The following MIA2 variants were observed in gnomAD, a reference collection of about 807,000 sequenced individuals.
MIA2 encodes MIA SH3 domain ER export factor 2.
In MIA2, 127 loss-of-function variants were observed where a neutral mutation model predicts 167.8. The ratio of observed to expected loss-of-function variants is 0.76; its 90% CI spans 0.66 to 0.88. MIA2 has a LOEUF of 0.88. Among genes scored for constraint, MIA2 ranks in the 40% least tolerant of loss-of-function variants. MIA2 has a pLI of 0.00. For missense variants in MIA2, 1,690 were observed against 1,624.7 expected (o/e 1.04, Z -0.69); for synonymous variants, 552 against 541.9 (o/e 1.02, Z -0.26).
intron 25 of MIA2, among the ~76,000 whole-genome samples, chr14:39,343,177 CT>C (rs2072402340): frequency 6.6e-6 from 1 of 152,076 alleles, no homozygotes; most frequent in Admixed American, 6.6e-5. Flanking sequence ...CAGGATCTTG[CT>C]TTGTCGCTCA....
At chr14:39,238,811 A>AAAAAAAAAAACAAAAAAC in intron 2 of MIA2, among the ~76,000 whole-genome samples, 3 of 103,634 alleles carry the variant, frequency 2.9e-5, no homozygotes, top group East Asian at 2.8e-4. Flanking sequence ...AAAAAAAAAA[A>AAAAAAAAAAACAAAAAAC]CCCAAAAAAC....
chr14:39,318,507 T>C (rs2152959541), intron 22 of MIA2, among the ~76,000 whole-genome samples: 1 of 152,298 alleles, frequency 6.6e-6, no homozygotes, highest in East Asian at 1.9e-4. Context: ...GTGAAGATGA[T>C]AACAGTCTTC....
chr14:39,277,489 G>A (rs2058173108), intron 7 of MIA2, among the ~76,000 whole-genome samples: 2 of 151,220 alleles, frequency 1.3e-5, no homozygotes, highest in South Asian at 4.2e-4. Flanking sequence ...TTGTGACACT[G>A]TACTCCAGCC....
intron 6 of MIA2, chr14:39,265,412 A>C: frequency 6.2e-7 from 1 of 1,611,234 alleles, no homozygotes; most frequent in Non-Finnish European, 8.5e-7. Flanking sequence ...TGAAAAGTCC[A>C]GAGGAAGAGG....
chr14:39,244,783 CT>C lies in MIA2; in HGVS notation c.337-2114del, dbSNP rs541605006. Among the ~76,000 whole-genome samples the C allele has an allele frequency of 5.7e-3, 828 of 144,670 alleles. 3 individuals carry two copies. Among genetic ancestry groups the C allele is most frequent in the African/African-American group, 0.013 (511 of 39,706 alleles). The allele number at this position is 144,670 out of a possible 152,430, so 94.9% of individuals were successfully genotyped here. ...ATAAAGTCAAATTGTTTTAGTGCAACTTTTTTTTTTTTTTAAACAGGTCTCA... is the reference window on the plus strand; with the variant it reads ...ATAAAGTCAAATTGTTTTAGTGCAACTTTTTTTTTTTTTAAACAGGTCTCA... On this transcript the variant is annotated intron_variant, in intron 3 of 28. Transcript: ENST00000640607.
intron 27 of MIA2, 67 bp downstream of exon 27, chr14:39,347,838 T>TTTTTTTTTTTTC (rs1555415318): frequency 1.5e-6 from 2 of 1,347,230 alleles, no homozygotes; most frequent in African/African-American, 1.6e-5. Flanking sequence ...TTTTTTTTTT[T>TTTTTTTTTTTTC]TTTATGGAGT....
chr14:39,306,499 G>A (rs1294907729), intron 17 of MIA2, among the ~76,000 whole-genome samples: 2 of 152,106 alleles, frequency 1.3e-5, no homozygotes, highest in South Asian at 2.1e-4. Flanking sequence ...GGGAGACAGC[G>A]CTAGGAGGAT....
downstream of MIA2, among the ~76,000 whole-genome samples, chr14:39,351,866 C>A (rs1264058904): frequency 2.6e-5 from 4 of 152,134 alleles, no homozygotes; most frequent in Admixed American, 6.6e-5. Context: ...CTCGTTCTGC[C>A]AGAGTGCTGG....
chr14:39,314,847 TAA>T (rs751060884), intron 20 of MIA2, 48 bp downstream of exon 20: 22 of 1,200,782 alleles, frequency 1.8e-5, no homozygotes, highest in Non-Finnish European at 2.1e-5. Context: ...TATATATATA[TAA>T]TTTAAAACAA....
chr14:39,368,027 C>CT (rs2139309924), intron 23 of MIA2, among the ~76,000 whole-genome samples: 1 of 152,236 alleles, frequency 6.6e-6, no homozygotes, highest in Non-Finnish European at 1.5e-5. Flanking sequence ...CCTATGGAAA[C>CT]TTGCTTTTTT....
intron 25 of MIA2, among the ~76,000 whole-genome samples, chr14:39,344,885 A>G (rs2072878655): frequency 1.3e-5 from 2 of 152,066 alleles, no homozygotes; most frequent in African/African-American, 4.8e-5. Flanking sequence ...TTAAACCGCA[A>G]TTACTTTTGC....
intron 25 of MIA2, 49 bp downstream of exon 25, chr14:39,327,071 G>A (rs1011740841): frequency 7.3e-7 from 1 of 1,371,528 alleles, no homozygotes; most frequent in Non-Finnish European, 9.6e-7. Flanking sequence ...CAGCTGGGAT[G>A]TGGAATACAC....
At chr14:39,329,016 G>A (rs1344162146) in intron 25 of MIA2, among the ~76,000 whole-genome samples, 1 of 152,172 alleles carries the variant, frequency 6.6e-6, no homozygotes, top group Admixed American at 6.5e-5. Context: ...GTCAGTGGTA[G>A]CTTGATGGGA....
intron 25 of MIA2, among the ~76,000 whole-genome samples, chr14:39,339,116 C>G (rs2071176498): frequency 1.3e-5 from 2 of 152,140 alleles, no homozygotes; most frequent in South Asian, 4.2e-4. Flanking sequence ...AGGCTAGATC[C>G]CTCACATGCG....
At chr14:39,285,722 A>G (rs1224887274) in intron 9 of MIA2, among the ~76,000 whole-genome samples, 10 of 73,126 alleles carry the variant, frequency 1.4e-4, no homozygotes, top group South Asian at 4.8e-4. Context: ...CTCACTTCCC[A>G]GACGGGGCAG....
intron 18 of MIA2, among the ~76,000 whole-genome samples, chr14:39,311,878 G>A (rs935720188): frequency 1.3e-5 from 2 of 150,542 alleles, no homozygotes; most frequent in African/African-American, 4.9e-5. Context: ...CGCCCAGGCT[G>A]GGGTGCAGTG....
At chr14:39,268,988 CATGGAGAA>C in intron 6 of MIA2, 1 of 980,682 alleles carries the variant, frequency 1.0e-6, no homozygotes. Context: ...TGCCAGTGTA[CATGGAGAA>C]ATGCAGAAAT....
chr14:39,315,855 A>G (rs1442219394), intron 21 of MIA2, 137 bp downstream of exon 21: 13 of 610,530 alleles, frequency 2.1e-5, no homozygotes, highest in Non-Finnish European at 3.3e-5. Flanking sequence ...AAGTAGTGAA[A>G]TTATGTTCCT....
At chr14:39,320,839 C>A in intron 23 of MIA2, 89 bp from the exon 24 acceptor site, 1 of 1,402,446 alleles carries the variant, frequency 7.1e-7, no homozygotes, top group Non-Finnish European at 9.8e-7. Flanking sequence ...AATAGGATGA[C>A]CTGATGGTAA....
Sources: gnomAD v4.1 joint callset for allele counts (sites outside exome capture counted in the v4.1 genomes callset) on GRCh38, gnomAD v4.1.1 for gene constraint, MANE v1.5 for transcripts, NCBI Gene and HGNC (gene_info 2026-07-23, HGNC 2026-07-21) for gene names.